FRMD3: variants seen among roughly 807,000 people sequenced by gnomAD.
FRMD3 encodes FERM domain containing 3.
FRMD3 carries 33 observed loss-of-function variants against 70.2 expected under a neutral mutation model. That is an observed-to-expected ratio of 0.47 (90% CI 0.36 to 0.63). The LOEUF (loss-of-function observed/expected upper bound fraction) is 0.63, where lower values mean the gene tolerates loss of function less well. Among genes scored for constraint, FRMD3 ranks in the 20% least tolerant of loss-of-function variants. The pLI is 0.00. For synonymous variants in FRMD3, 279 were observed against 255.9 expected (o/e 1.09, Z -0.86); for missense variants, 632 against 711.4 (o/e 0.89, Z 1.27).
At chr9:83,377,323 G>C (rs1285607376) in intron 2 of FRMD3, among the ~76,000 whole-genome samples, 3 of 152,170 alleles carry the variant, frequency 2.0e-5, no homozygotes, top group African/African-American at 7.2e-5. Flanking sequence ...AGGATAATAG[G>C]AGAGGGAAAC....
chr9:83,535,989 C>T (rs974765506), intron 1 of FRMD3, among the ~76,000 whole-genome samples: 3 of 152,194 alleles, frequency 2.0e-5, no homozygotes, highest in Admixed American at 6.5e-5. Context: ...ACCTGATACC[C>T]GGAAGGGCAA....
At chr9:83,393,810 G>A (rs917451057) in intron 1 of FRMD3, among the ~76,000 whole-genome samples, 9 of 152,104 alleles carry the variant, frequency 5.9e-5, no homozygotes, top group African/African-American at 1.4e-4. Context: ...TTGCTTGCCC[G>A]CAGCTCACCT....
chr9:83,476,749 T>C (rs1467649103), intron 1 of FRMD3, among the ~76,000 whole-genome samples: 1 of 152,220 alleles, frequency 6.6e-6, no homozygotes, highest in Non-Finnish European at 1.5e-5. Context: ...GAACATAACA[T>C]GGGTCTCCTG....
At position 83,311,419 on chromosome 9, in the gene FRMD3, A is replaced by G. The variant is rs546523612; in HGVS notation, c.773+468T>C. On this transcript the variant is annotated intron_variant, in intron 8 of 13. Coordinates refer to ENST00000304195, the MANE Select transcript of FRMD3 (RefSeq NM_174938.6). ...TTAGTCCTCTTATTTGTAAGCCATC[A>G]TGAGTAGACATTCCTACTACCTTTT... Among the ~76,000 whole-genome samples the G allele has an allele frequency of 9.2e-5, 14 of 152,318 alleles. No individual in the cohort carries two copies. The South Asian group carries it at 2.5e-3, about 27-fold the overall frequency.
the FRMD3 span, among the ~76,000 whole-genome samples, chr9:83,571,411 T>A: frequency 6.6e-6 from 1 of 152,214 alleles, no homozygotes; most frequent in Non-Finnish European, 1.5e-5. Flanking sequence ...CAAAACAGAC[T>A]AAGATAGACT....
chr9:83,424,234 C>G (rs1826736066), intron 1 of FRMD3, among the ~76,000 whole-genome samples: 1 of 152,284 alleles, frequency 6.6e-6, no homozygotes, highest in African/African-American at 2.4e-5. Flanking sequence ...AAACATGTCT[C>G]CTGCTCTTAC....
chr9:83,350,776 T>C (rs1824130057), intron 3 of FRMD3: 1 of 975,286 alleles, frequency 1.0e-6, no homozygotes, highest in Admixed American at 6.2e-5. Flanking sequence ...TGGAGTGTTC[T>C]AATTTGCCTC....
At chr9:83,397,310 G>A (rs1037977235) in intron 1 of FRMD3, among the ~76,000 whole-genome samples, 3 of 152,100 alleles carry the variant, frequency 2.0e-5, no homozygotes, top group African/African-American at 7.2e-5. Flanking sequence ...GGAGGTATTT[G>A]AGTTTACAAT....
At chr9:83,564,668 G>A in the FRMD3 span, among the ~76,000 whole-genome samples, 2 of 152,224 alleles carry the variant, frequency 1.3e-5, no homozygotes, top group African/African-American at 4.8e-5. Flanking sequence ...TTGGTTTGTA[G>A]AGGGAGACAT....
At chr9:83,571,141 G>T in the FRMD3 span, among the ~76,000 whole-genome samples, 1 of 152,096 alleles carries the variant, frequency 6.6e-6, no homozygotes, top group Non-Finnish European at 1.5e-5. Context: ...CTCAGGAATG[G>T]ATTCATTCCT....
intron 1 of FRMD3, among the ~76,000 whole-genome samples, chr9:83,447,084 C>T (rs573640217): frequency 2.0e-5 from 3 of 152,214 alleles, no homozygotes; most frequent in South Asian, 4.2e-4. Flanking sequence ...GCTGCAGTGG[C>T]GCCATCTCGG....
intron 1 of FRMD3, among the ~76,000 whole-genome samples, chr9:83,525,960 T>G (rs990660963): frequency 7.9e-5 from 12 of 152,354 alleles, no homozygotes; most frequent in Non-Finnish European, 1.8e-4. Flanking sequence ...CTGCCACCAC[T>G]TGCAAGAACA....
At chr9:83,288,637 G>A (rs966488417) in intron 13 of FRMD3, among the ~76,000 whole-genome samples, 5 of 152,194 alleles carry the variant, frequency 3.3e-5, no homozygotes, top group African/African-American at 1.2e-4. Flanking sequence ...ATTGAAGATG[G>A]TTCTTTAAAA....
intron 13 of FRMD3, among the ~76,000 whole-genome samples, chr9:83,280,407 C>A (rs972827571): frequency 2.0e-5 from 3 of 152,208 alleles, no homozygotes; most frequent in Non-Finnish European, 4.4e-5. Context: ...ACAGCACCTA[C>A]CCAATAGCTT....
At chr9:83,386,688 A>G (rs1825518979) in intron 2 of FRMD3, among the ~76,000 whole-genome samples, 1 of 152,196 alleles carries the variant, frequency 6.6e-6, no homozygotes, top group Non-Finnish European at 1.5e-5. Flanking sequence ...AGCATTAACT[A>G]AACTACAGAC....
Position 83,248,023 on chromosome 9 carries a change from G to A in FRMD3, c.1689C>T (p.Arg563=), listed in dbSNP as rs1312736317. The change falls in exon 14 of 14, where the codon CGC becomes CGT. Residue 563 remains arginine (R), a synonymous_variant. Transcript: ENST00000304195. Reference sequence around the variant, plus strand: ...GAAACTGCTCAAACTCTGGTGTCTGGCGGATTTCGCATAAGAAGGAGAGAT... The same window carrying A: ...GAAACTGCTCAAACTCTGGTGTCTGACGGATTTCGCATAAGAAGGAGAGAT... The part of the protein sequence containing the change: ...GIDLSFLCEI[R]QTPEFEQFHY... 6.2e-7 allele frequency: 1 copy of A among 1,614,146 alleles called. No homozygotes were observed. Among genetic ancestry groups the A allele is most frequent in the Admixed American group, 1.7e-5 (1 of 60,016 alleles).
At chr9:83,532,963 G>A (rs972421708) in intron 1 of FRMD3, among the ~76,000 whole-genome samples, 2 of 152,228 alleles carry the variant, frequency 1.3e-5, no homozygotes, top group African/African-American at 4.8e-5. Flanking sequence ...ATGCCAGAGT[G>A]AAAAGATGGG....
the FRMD3 span, among the ~76,000 whole-genome samples, chr9:83,563,394 G>C: frequency 6.6e-6 from 1 of 152,318 alleles, no homozygotes; most frequent in Non-Finnish European, 1.5e-5. Flanking sequence ...GGCAATGGAA[G>C]TGAGGGCTTG....
intron 6 of FRMD3, among the ~76,000 whole-genome samples, chr9:83,328,930 G>C (rs1836134053): frequency 1.3e-5 from 2 of 152,186 alleles, no homozygotes; most frequent in Non-Finnish European, 2.9e-5. Flanking sequence ...TCACATGTGA[G>C]ATATAATCAG....
Sources: allele counts gnomAD v4.1 joint callset (sites outside exome capture counted in the v4.1 genomes callset), GRCh38; gene constraint gnomAD v4.1.1; transcripts MANE v1.5; gene names NCBI Gene and HGNC (gene_info 2026-07-23, HGNC 2026-07-21).